CTTNBP2NL: variants seen among roughly 807,000 people sequenced by gnomAD.
The protein encoded by CTTNBP2NL is CTTNBP2 N-terminal like.
A neutral mutation model predicts 32.5 loss-of-function variants in CTTNBP2NL; 16 were observed. The observed-to-expected ratio is 0.49, with a 90% CI of 0.33 to 0.75. The LOEUF is 0.75. Among genes scored for constraint, CTTNBP2NL ranks in the 30% least tolerant of loss-of-function variants. CTTNBP2NL has a pLI of 0.02. For missense variants in CTTNBP2NL, 645 were observed against 756.0 expected (o/e 0.85, Z 1.72); for synonymous variants, 298 against 289.4 (o/e 1.03, Z -0.30).
chr1:112,446,210 A>AC (rs567688124), intron 3 of CTTNBP2NL, among the ~76,000 whole-genome samples: 2 of 150,320 alleles, frequency 1.3e-5, no homozygotes, highest in Admixed American at 6.6e-5. Flanking sequence ...AAAAAAAAAA[A>AC]AACAACATAG....
At position 112,457,473 on chromosome 1, in the gene CTTNBP2NL, G is replaced by A; in HGVS notation, c.*61G>A. 1 of 1,383,574 alleles carries A rather than the reference G, an allele frequency of 7.2e-7. No individual in the cohort carries two copies. Among genetic ancestry groups the A allele is most frequent in the Non-Finnish European group, 1.0e-6 (1 of 1,003,302 alleles). 85.7% of individuals were successfully genotyped at this position (1,383,574 alleles called of 1,614,324 possible). ...CAGATTTCGTCCAAAAGCTCAGTCA[G>A]ACTTCTGAGTCAGATTATGTTATTT... On this transcript the variant is annotated 3_prime_UTR_variant, in exon 6 of 6. Transcript: ENST00000271277.
In CTTNBP2NL at chr1:112,460,579, A is replaced by T. The variant is rs1289189508; in HGVS notation, c.*3167A>T. The T allele has an allele frequency of 6.6e-6, 1 of 152,256 alleles. No homozygotes were observed. Among genetic ancestry groups the T allele is most frequent in the Non-Finnish European group, 1.5e-5 (1 of 68,052 alleles). The allele number at this position is 152,256 out of a possible 1,614,324, so 9.4% of individuals were successfully genotyped here. ...TGTTTGATGGCTTCATAGGATCCAA[A>T]GACCCTGAAGCCATCCATGGCTCAT... On this transcript the variant is annotated 3_prime_UTR_variant, in exon 6 of 6. Transcript: ENST00000271277.
intron 3 of CTTNBP2NL, among the ~76,000 whole-genome samples, chr1:112,445,374 A>G (rs1226935929): frequency 6.6e-6 from 1 of 151,736 alleles, no homozygotes; most frequent in Non-Finnish European, 1.5e-5. Context: ...TCAAATCTTA[A>G]TATCTGTTTT....
At chr1:112,422,732 AG>A in intron 3 of CTTNBP2NL, among the ~76,000 whole-genome samples, 1 of 152,268 alleles carries the variant, frequency 6.6e-6, no homozygotes, top group African/African-American at 2.4e-5. Context: ...GCTGATGTTA[AG>A]TATCATTTCA....
intron 5 of CTTNBP2NL, 36 bp from the exon 6 acceptor site, chr1:112,455,893 AGT>A: frequency 6.8e-7 from 1 of 1,465,666 alleles, no homozygotes; most frequent in Non-Finnish European, 9.3e-7. Context: ...ACTTGATCAC[AGT>A]TTGTCAGTAT....
chr1:112,443,908 A>G (rs1436626416), intron 3 of CTTNBP2NL, among the ~76,000 whole-genome samples: 2 of 152,170 alleles, frequency 1.3e-5, no homozygotes, highest in African/African-American at 2.4e-5. Context: ...TAGTTTATCT[A>G]TAGTGTGAAT....
intron 3 of CTTNBP2NL, 131 bp from the exon 4 acceptor site, chr1:112,448,811 A>T: frequency 1.6e-6 from 1 of 618,534 alleles, no homozygotes; most frequent in Non-Finnish European, 2.9e-6. Flanking sequence ...AGATGGCTCA[A>T]TCTGACTTGT....
intron 3 of CTTNBP2NL, among the ~76,000 whole-genome samples, chr1:112,421,526 C>T (rs1356727161): frequency 6.7e-6 from 1 of 150,160 alleles, no homozygotes; most frequent in African/African-American, 2.4e-5. Flanking sequence ...TGGTCTTGAA[C>T]TCCTGACCTC....
At chr1:112,455,083 T>C (rs144821778) in intron 5 of CTTNBP2NL, among the ~76,000 whole-genome samples, 1,651 of 152,322 alleles carry the variant, frequency 0.011, 41 homozygotes, top group African/African-American at 0.037. Flanking sequence ...GCTCAGTTAG[T>C]TTCCCCATCC....
intron 3 of CTTNBP2NL, among the ~76,000 whole-genome samples, chr1:112,439,833 C>T (rs1649847204): frequency 6.6e-6 from 1 of 152,228 alleles, no homozygotes; most frequent in South Asian, 2.1e-4. Context: ...AACCCACCCA[C>T]TTCCAGGGTT....
In CTTNBP2NL at chr1:112,456,428, CCAAA is replaced by C; in HGVS notation, c.939_942del (p.Thr314ArgfsTer13). The C allele has an allele frequency of 2.5e-6, 4 of 1,614,052 alleles. No homozygotes were observed. The highest frequency in any genetic ancestry group is 2.5e-6 in the Non-Finnish European group (3 of 1,180,026). On this transcript the variant is annotated frameshift_variant, in exon 6 of 6. Coordinates refer to ENST00000271277, the MANE Select transcript of CTTNBP2NL (RefSeq NM_018704.3). LOFTEE classifies it low-confidence loss of function (END_TRUNC). ...CTCTCATGCTAATGTCTGTGTTTTG[CCAAA>C]CAGAGAGTTTTCCAGCAGAAAGAAC...
intron 3 of CTTNBP2NL, among the ~76,000 whole-genome samples, chr1:112,438,069 G>T (rs998248853): frequency 3.3e-5 from 5 of 152,012 alleles, no homozygotes; most frequent in African/African-American, 1.2e-4. Context: ...GTCTTCCAGG[G>T]TTTTTATAGT....
intron 3 of CTTNBP2NL, among the ~76,000 whole-genome samples, chr1:112,430,026 G>T (rs2101014761): frequency 6.6e-6 from 1 of 152,134 alleles, no homozygotes; most frequent in Non-Finnish European, 1.5e-5. Context: ...AGGGCCAAAA[G>T]GTACAGGACA....
chr1:112,408,056 A>T (rs1648729514), intron 1 of CTTNBP2NL, among the ~76,000 whole-genome samples: 1 of 151,856 alleles, frequency 6.6e-6, no homozygotes, highest in South Asian at 2.1e-4. Flanking sequence ...CATGTTGTCC[A>T]GGCTGGTCTC....
intron 2 of CTTNBP2NL, chr1:112,415,785 G>T (rs1231479756): frequency 4.4e-6 from 1 of 228,846 alleles, no homozygotes. Context: ...TCGATCTCCT[G>T]ACTTCGTGGT....
At chr1:112,450,119 G>A (rs1382788068) in intron 4 of CTTNBP2NL, among the ~76,000 whole-genome samples, 1 of 152,196 alleles carries the variant, frequency 6.6e-6, no homozygotes, top group African/African-American at 2.4e-5. Context: ...TGCAAAATTT[G>A]GTGGACCTTA....
At chr1:112,443,185 G>C (rs1649944788) in intron 3 of CTTNBP2NL, among the ~76,000 whole-genome samples, 1 of 152,016 alleles carries the variant, frequency 6.6e-6, no homozygotes, top group South Asian at 2.1e-4. Context: ...GACTCCAGAG[G>C]GAATATTTGA....
chr1:112,439,746 C>T (rs1485910755), intron 3 of CTTNBP2NL, among the ~76,000 whole-genome samples: 1 of 152,050 alleles, frequency 6.6e-6, no homozygotes, highest in African/African-American at 2.4e-5. Context: ...TTGTGTGGGC[C>T]CCCTACCCGA....
intron 4 of CTTNBP2NL, 128 bp downstream of exon 4, chr1:112,449,300 C>A: frequency 1.7e-6 from 1 of 574,874 alleles, no homozygotes; most frequent in Non-Finnish European, 3.1e-6. Flanking sequence ...CAAAAAGCCC[C>A]TTAGTTTATG....
Sources: gnomAD v4.1 joint callset for allele counts (sites outside exome capture counted in the v4.1 genomes callset) on GRCh38, gnomAD v4.1.1 for gene constraint, MANE v1.5 for transcripts, NCBI Gene and HGNC (gene_info 2026-07-23, HGNC 2026-07-21) for gene names.